Variants in SDAD1 observed in about 807,000 individuals in gnomAD.
SDAD1 encodes the protein protein SDA1 homolog.
In SDAD1, 79 loss-of-function variants were observed where a neutral mutation model predicts 100.3. The observed-to-expected ratio is 0.79, with a 90% CI of 0.66 to 0.95. The LOEUF is 0.95. Ranked by LOEUF, SDAD1 falls within the 40% of genes least tolerant of loss-of-function variation. SDAD1 has a pLI of 0.00. For missense variants in SDAD1, 790 were observed against 810.9 expected (o/e 0.97, Z 0.31); for synonymous variants, 267 against 271.4 (o/e 0.98, Z 0.16).
At chr4:75,953,386 G>A (rs1728718726) in intron 21 of SDAD1, among the ~76,000 whole-genome samples, 1 of 152,116 alleles carries the variant, frequency 6.6e-6, no homozygotes, top group Admixed American at 6.5e-5. Context: ...TACCAACAGG[G>A]TAATTAATAC....
intron 17 of SDAD1, among the ~76,000 whole-genome samples, chr4:75,958,579 G>A (rs1729039320): frequency 6.6e-6 from 1 of 152,138 alleles, no homozygotes. Flanking sequence ...GAACGTGCCA[G>A]CTCTTTTGTC....
intron 1 of SDAD1, among the ~76,000 whole-genome samples, chr4:75,990,280 C>T (rs899998456): frequency 6.7e-6 from 1 of 149,674 alleles, no homozygotes; most frequent in African/African-American, 2.5e-5. Flanking sequence ...AGAAACCCCC[C>T]CCCCCCCTTT....
intron 1 of SDAD1, 53 bp from the exon 2 acceptor site, chr4:75,982,090 G>T: frequency 9.5e-7 from 1 of 1,054,988 alleles, no homozygotes; most frequent in Middle Eastern, 2.1e-4. Context: ...GACTTTCTCA[G>T]TACAGACATT....
intron 14 of SDAD1, among the ~76,000 whole-genome samples, chr4:75,961,963 T>C (rs964420089): frequency 6.6e-6 from 1 of 152,238 alleles, no homozygotes; most frequent in African/African-American, 2.4e-5. Context: ...GTTTGTTACA[T>C]ATGTATACAT....
At chr4:75,954,255 ACCT>A (rs1728763942) in intron 21 of SDAD1, among the ~76,000 whole-genome samples, 1 of 151,898 alleles carries the variant, frequency 6.6e-6, no homozygotes, top group Non-Finnish European at 1.5e-5. Context: ...GGTGGCGGGC[ACCT>A]GTAGTCCCAG....
intron 1 of SDAD1, 74 bp downstream of exon 1, chr4:75,990,678 C>G: frequency 6.2e-7 from 1 of 1,607,934 alleles, no homozygotes. Flanking sequence ...CCCAGCCCCA[C>G]TCCATGCTTT....
At chr4:75,990,286 C>CA (rs1359534345) in intron 1 of SDAD1, among the ~76,000 whole-genome samples, 1 of 136,424 alleles carries the variant, frequency 7.3e-6, no homozygotes, top group Non-Finnish European at 1.6e-5. Flanking sequence ...CCCCCCCCCC[C>CA]CTTTCCTGGC....
chr4:75,958,145 T>C (rs530588213), intron 17 of SDAD1, among the ~76,000 whole-genome samples: 2 of 152,342 alleles, frequency 1.3e-5, no homozygotes, highest in South Asian at 2.1e-4. Flanking sequence ...GTATCTACCA[T>C]GAGTCAAAAC....
At chr4:75,984,703 T>C (rs1343413362) in intron 1 of SDAD1, among the ~76,000 whole-genome samples, 3 of 151,816 alleles carry the variant, frequency 2.0e-5, no homozygotes, top group Admixed American at 6.6e-5. Flanking sequence ...CACAGTTCCA[T>C]GCCTTACAGC....
Position 75,975,761 on chromosome 4 carries a change from G to C in SDAD1, c.561C>G (p.Leu187=). Residue 187 remains leucine, a synonymous_variant, in exon 6 of 22, where the codon CTC becomes CTG. Transcript: ENST00000356260. The part of the protein sequence containing the change: ...AKMSLDVMIE[L]YRRNIWNDAK... ...TACACTACCAGATGTTCCTTCTGTAGAGTTCAATCATTACATCTAAAGACA... is the reference window on the plus strand; with the variant it reads ...TACACTACCAGATGTTCCTTCTGTACAGTTCAATCATTACATCTAAAGACA... 1 of 1,611,770 alleles carries C rather than the reference G, an allele frequency of 6.2e-7. No homozygotes were observed. Among genetic ancestry groups the C allele is most frequent in the Non-Finnish European group, 8.5e-7 (1 of 1,177,906 alleles).
chr4:75,983,359 A>T (rs1381800569), intron 1 of SDAD1, among the ~76,000 whole-genome samples: 3 of 152,188 alleles, frequency 2.0e-5, no homozygotes, highest in South Asian at 2.1e-4. Flanking sequence ...ATCCTTGAGG[A>T]ATTGCCACAC....
chr4:75,981,327 A>AC lies in SDAD1; in HGVS notation c.294+44dup, dbSNP rs754610684. ...TCATTTAAATATATATGAACGCAGC[A>AC]CACATGAACACAGCACAATTTATTC... On this transcript the variant is annotated intron_variant, in intron 3 of 21. Transcript: ENST00000356260. 1.2e-5 allele frequency: 19 copies of AC among 1,555,990 alleles called. No homozygotes were observed. The South Asian group carries it at 1.7e-4, about 14-fold the overall frequency.
intron 13 of SDAD1, 116 bp from the exon 14 acceptor site, chr4:75,964,327 T>C: frequency 1.4e-6 from 1 of 711,590 alleles, no homozygotes; most frequent in Non-Finnish European, 2.4e-6. Flanking sequence ...CCACCTTCAG[T>C]TTAGGAATTG....
At chr4:75,959,117 A>AAAC (rs1560537782) in intron 17 of SDAD1, among the ~76,000 whole-genome samples, 2 of 148,458 alleles carry the variant, frequency 1.3e-5, no homozygotes, top group African/African-American at 5.1e-5. Flanking sequence ...AAAAAAAAAA[A>AAAC]AAAAAAAAAA....
At chr4:75,987,018 A>T (rs1730940271) in intron 1 of SDAD1, among the ~76,000 whole-genome samples, 1 of 146,246 alleles carries the variant, frequency 6.8e-6, no homozygotes, top group Non-Finnish European at 1.5e-5. Context: ...ACTGTGTCTT[A>T]AAAAAAAAAA....
At chr4:75,986,924 G>A (rs1019912360) in intron 1 of SDAD1, among the ~76,000 whole-genome samples, 11 of 151,996 alleles carry the variant, frequency 7.2e-5, no homozygotes, top group African/African-American at 1.9e-4. Flanking sequence ...AGGCTGAGGC[G>A]GGAGGATTGC....
chr4:75,956,319 G>T (rs1487827772), intron 20 of SDAD1, among the ~76,000 whole-genome samples, 183 bp from the exon 21 acceptor site: 1 of 152,154 alleles, frequency 6.6e-6, no homozygotes, highest in African/African-American at 2.4e-5. Flanking sequence ...CAGAGCAAGG[G>T]GAGCTCGGTG....
chr4:75,977,234 C>A (rs911829519), intron 4 of SDAD1, among the ~76,000 whole-genome samples: 6 of 152,130 alleles, frequency 3.9e-5, no homozygotes, highest in African/African-American at 1.2e-4. Context: ...GTACCAATGT[C>A]CTGATTTAGC....
rs1427565480 is a variant in SDAD1, at chr4:75,973,225, T to C, written c.711+92A>G. On this transcript the variant is annotated intron_variant, in intron 8 of 21. Coordinates refer to ENST00000356260, the MANE Select transcript of SDAD1 (RefSeq NM_018115.4). ...AACAGGGCAAAGGTGTCATCTAAGT[T>C]TCTTTCTAACTTCAGCAGTCATAGA... 1.2e-5 allele frequency: 12 copies of C among 1,011,774 alleles called. No individual in the cohort carries two copies. In the Admixed American group the frequency reaches 2.2e-4, roughly 18 times the overall value. The allele number at this position is 1,011,774 out of a possible 1,614,324, so 62.7% of individuals were successfully genotyped here.
Sources: gnomAD v4.1 joint callset for allele counts (sites outside exome capture counted in the v4.1 genomes callset) on GRCh38, gnomAD v4.1.1 for gene constraint, MANE v1.5 for transcripts, NCBI Gene and HGNC (gene_info 2026-07-23, HGNC 2026-07-21) for gene names.